NCKAP5: variants seen among roughly 807,000 people sequenced by gnomAD.
NCKAP5 encodes nck-associated protein 5.
Under a neutral mutation model 167.0 loss-of-function variants are expected in NCKAP5, and 92 were observed. That is an observed-to-expected ratio of 0.55 (90% CI 0.47 to 0.66). NCKAP5 has a LOEUF of 0.66. NCKAP5 is among the 30% of genes least tolerant of loss of function. NCKAP5 has a pLI of 0.00. For synonymous variants in NCKAP5, 891 were observed against 877.4 expected (o/e 1.02, Z -0.27); for missense variants, 2,378 against 2,315.0 (o/e 1.03, Z -0.56).
intron 2 of NCKAP5, among the ~76,000 whole-genome samples, chr2:133,548,132 T>C (rs889751755): frequency 7.3e-5 from 11 of 149,678 alleles, no homozygotes; most frequent in Non-Finnish European, 1.2e-4. Flanking sequence ...GTATCAGCAA[T>C]GGAAGATGAA....
At chr2:133,268,711 C>T (rs1656749575) in intron 4 of NCKAP5, among the ~76,000 whole-genome samples, 1 of 152,046 alleles carries the variant, frequency 6.6e-6, no homozygotes, top group Non-Finnish European at 1.5e-5. Flanking sequence ...ACCTCGTGAT[C>T]CGCCCGCCGC....
At chr2:133,380,194 G>A (rs1487901365) in intron 3 of NCKAP5, among the ~76,000 whole-genome samples, 1 of 151,968 alleles carries the variant, frequency 6.6e-6, no homozygotes, top group African/African-American at 2.4e-5. Flanking sequence ...AGTCTAAAAG[G>A]GCACACACCA....
intron 5 of NCKAP5, among the ~76,000 whole-genome samples, chr2:133,147,658 T>C (rs1030225356): frequency 1.3e-5 from 2 of 152,106 alleles, no homozygotes; most frequent in African/African-American, 4.8e-5. Flanking sequence ...TAGATAAGCA[T>C]ATGGATGAGC....
intron 11 of NCKAP5, among the ~76,000 whole-genome samples, chr2:132,847,812 T>C (rs1558852854): frequency 1.3e-5 from 2 of 152,210 alleles, no homozygotes; most frequent in African/African-American, 4.8e-5. Context: ...TTACATGATT[T>C]TGTTTAAACT....
At chr2:133,274,469 C>T (rs951484880) in intron 4 of NCKAP5, among the ~76,000 whole-genome samples, 20 of 151,962 alleles carry the variant, frequency 1.3e-4, no homozygotes, top group Non-Finnish European at 2.7e-4. Flanking sequence ...ACATTATCAA[C>T]CAAAATCTCA....
At chr2:133,669,774 T>C in the NCKAP5 span, among the ~76,000 whole-genome samples, 7 of 152,338 alleles carry the variant, frequency 4.6e-5, no homozygotes, top group East Asian at 7.7e-4. Flanking sequence ...CAAAAATTAC[T>C]ACCTTGTGTA....
chr2:133,275,927 T>A (rs2089707449), intron 4 of NCKAP5, among the ~76,000 whole-genome samples: 1 of 151,934 alleles, frequency 6.6e-6, no homozygotes, highest in Non-Finnish European at 1.5e-5. Flanking sequence ...CAGATCTACT[T>A]ATACACAGAT....
intron 8 of NCKAP5, among the ~76,000 whole-genome samples, chr2:132,932,467 G>T (rs184523314): frequency 3.5e-4 from 54 of 152,244 alleles, no homozygotes; most frequent in African/African-American, 1.2e-3. Flanking sequence ...TGCATAATCA[G>T]TCTAAGAAGA....
chr2:132,847,133 A>T (rs1044044493), intron 11 of NCKAP5, among the ~76,000 whole-genome samples: 18 of 152,354 alleles, frequency 1.2e-4, no homozygotes, highest in Middle Eastern at 3.4e-3. Context: ...GGAAATTATC[A>T]AAATACTTCA....
At chr2:132,781,024 C>A in intron 15 of NCKAP5, 28 bp downstream of exon 15, 3 of 1,607,292 alleles carry the variant, frequency 1.9e-6, no homozygotes, top group Non-Finnish European at 2.5e-6. Context: ...GATTGTAGCA[C>A]TTGATACCAG....
intron 6 of NCKAP5, among the ~76,000 whole-genome samples, chr2:133,116,344 C>T (rs1317263901): frequency 8.8e-5 from 11 of 124,966 alleles, no homozygotes; most frequent in Non-Finnish European, 1.6e-4. Context: ...AAAAATTAGC[C>T]GGGCGTGGTG....
chr2:133,435,373 G>A (rs559752355), intron 3 of NCKAP5, among the ~76,000 whole-genome samples: 6 of 152,262 alleles, frequency 3.9e-5, no homozygotes, highest in African/African-American at 1.4e-4. Context: ...CCACTGAAAT[G>A]CAGTTCTTGT....
intron 11 of NCKAP5, among the ~76,000 whole-genome samples, chr2:132,838,026 A>T (rs960489007): frequency 6.6e-6 from 1 of 152,050 alleles, no homozygotes; most frequent in African/African-American, 2.4e-5. Context: ...GATCCCTGTT[A>T]CTCTGGCCTT....
At chr2:133,160,935 C>A (rs777427507) in intron 5 of NCKAP5, among the ~76,000 whole-genome samples, 1 of 152,144 alleles carries the variant, frequency 6.6e-6, no homozygotes, top group South Asian at 2.1e-4. Flanking sequence ...TGACAGGTGT[C>A]CCCAGCCCCC....
chr2:133,649,297 C>T, the NCKAP5 span, among the ~76,000 whole-genome samples: 1 of 150,968 alleles, frequency 6.6e-6, no homozygotes, highest in Non-Finnish European at 1.5e-5. Context: ...CTGATGAATA[C>T]TACCAAACTT....
chr2:133,432,309 C>A (rs2151130167), intron 3 of NCKAP5, among the ~76,000 whole-genome samples: 1 of 152,246 alleles, frequency 6.6e-6, no homozygotes, highest in Non-Finnish European at 1.5e-5. Flanking sequence ...AATTAAAAAA[C>A]AAATACCTGA....
At chr2:133,386,147 C>T (rs1217674617) in intron 3 of NCKAP5, among the ~76,000 whole-genome samples, 2 of 152,146 alleles carry the variant, frequency 1.3e-5, no homozygotes, top group African/African-American at 4.8e-5. Flanking sequence ...GTTAGGGTGA[C>T]AATTTTAGAT....
intron 18 of NCKAP5, among the ~76,000 whole-genome samples, chr2:132,727,853 C>T (rs538530009): frequency 1.8e-4 from 28 of 152,346 alleles, no homozygotes; most frequent in Admixed American, 7.2e-4. Flanking sequence ...CCATGGTCCC[C>T]TTCCATACTG....
chr2:132,882,731 G>T (rs1029478724), intron 8 of NCKAP5, among the ~76,000 whole-genome samples: 1 of 151,882 alleles, frequency 6.6e-6, no homozygotes, highest in African/African-American at 2.4e-5. Context: ...TTGTTTTTTA[G>T]AATACATAAA....
Sources: gnomAD v4.1 joint callset for allele counts (sites outside exome capture counted in the v4.1 genomes callset) on GRCh38, gnomAD v4.1.1 for gene constraint, MANE v1.5 for transcripts, NCBI Gene and HGNC (gene_info 2026-07-23, HGNC 2026-07-21) for gene names.